SCFD1: variants seen among roughly 807,000 people sequenced by gnomAD.
SCFD1 encodes the protein sec1 family domain containing 1.
SCFD1 carries 37 observed loss-of-function variants against 103.2 expected under a neutral mutation model. That is an observed-to-expected ratio of 0.36 (90% CI 0.28 to 0.47). The LOEUF (loss-of-function observed/expected upper bound fraction) is 0.47. Ranked by LOEUF, SCFD1 falls within the 20% of genes least tolerant of loss-of-function variation. The pLI, the probability that SCFD1 is intolerant of heterozygous loss-of-function variation, is 1.00. For synonymous variants in SCFD1, 264 were observed against 245.0 expected (o/e 1.08, Z -0.73); for missense variants, 639 against 761.2 (o/e 0.84, Z 1.89).
chr14:30,659,767 AT>A (rs5807592), intron 10 of SCFD1, among the ~76,000 whole-genome samples: 28,279 of 151,574 alleles, frequency 0.19, 3,084 homozygotes, highest in East Asian at 0.46. Flanking sequence ...AATAATAAAG[AT>A]TTTTTTTTCT....
chr14:30,703,220 T>A (rs927729307), intron 17 of SCFD1, among the ~76,000 whole-genome samples: 1 of 151,192 alleles, frequency 6.6e-6, no homozygotes, highest in Non-Finnish European at 1.5e-5. Context: ...TTAAACCATG[T>A]TAAATGACAT....
intron 11 of SCFD1, among the ~76,000 whole-genome samples, chr14:30,671,900 A>G (rs1888575819): frequency 6.6e-6 from 1 of 152,196 alleles, no homozygotes; most frequent in South Asian, 2.1e-4. Context: ...TTAACATTGA[A>G]TAGTTAAGTT....
Position 30,649,529 on chromosome 14 carries a change from T to C in SCFD1, c.615T>C (p.Gly205=). The C allele has an allele frequency of 6.3e-7, 1 of 1,578,062 alleles. No homozygotes were observed. The highest frequency in any genetic ancestry group is 1.2e-5 in the South Asian group (1 of 85,384). ...TTCTAACATTTATTGTTAAAATAGG[T>C]GCTGTTCCTATAATCAGATGTTCAA... The part of the protein sequence containing the change: ...DSLFCFFVTL[G]AVPIIRCSRG... Residue 205 remains glycine (G), a splice_region_variant and synonymous_variant, in exon 8 of 25, where the codon GGT becomes GGC. Transcript: ENST00000458591.
intron 1 of SCFD1, 179 bp downstream of exon 1, chr14:30,622,578 C>T (rs1882957332): frequency 2.7e-6 from 3 of 1,104,058 alleles, no homozygotes; most frequent in African/African-American, 3.2e-5. Flanking sequence ...GACTCGGTTC[C>T]TCCTGTGGTG....
chr14:30,667,608 G>A (rs1436474488), intron 10 of SCFD1, among the ~76,000 whole-genome samples: 1 of 152,194 alleles, frequency 6.6e-6, no homozygotes, highest in Non-Finnish European at 1.5e-5. Flanking sequence ...AAAAGAGGAA[G>A]TCAAATTGTC....
chr14:30,638,380 TA>T, intron 5 of SCFD1, 133 bp downstream of exon 5: 5 of 1,253,826 alleles, frequency 4.0e-6, no homozygotes, highest in Non-Finnish European at 5.4e-6. Context: ...AATACTTTTA[TA>T]AAGAGTTCTG....
chr14:30,677,258 GC>G (rs1889104091), intron 14 of SCFD1, among the ~76,000 whole-genome samples: 1 of 151,994 alleles, frequency 6.6e-6, no homozygotes, highest in African/African-American at 2.4e-5. Flanking sequence ...AACCTCCTGG[GC>G]TCAAGGATCC....
intron 19 of SCFD1, among the ~76,000 whole-genome samples, chr14:30,714,689 G>A (rs1892151087): frequency 6.6e-6 from 1 of 152,168 alleles, no homozygotes; most frequent in South Asian, 2.1e-4. Flanking sequence ...TTATATAATA[G>A]TAATGTGTTA....
At chr14:30,647,847 C>T (rs1885992995) in intron 7 of SCFD1, among the ~76,000 whole-genome samples, 1 of 152,108 alleles carries the variant, frequency 6.6e-6, no homozygotes, top group Non-Finnish European at 1.5e-5. Flanking sequence ...GACGGGGTTT[C>T]ACCATGTTGG....
chr14:30,641,765 C>T (rs995671558), intron 6 of SCFD1, among the ~76,000 whole-genome samples: 4 of 151,882 alleles, frequency 2.6e-5, no homozygotes, highest in Non-Finnish European at 5.9e-5. Context: ...GGGTGGGCCA[C>T]GCTTTCTGTA....
intron 15 of SCFD1, 50 bp from the exon 16 acceptor site, chr14:30,700,138 T>C (rs1224019973): frequency 7.5e-7 from 1 of 1,339,540 alleles, no homozygotes. Flanking sequence ...CTATAATACA[T>C]AATAACCACA....
At position 30,697,702 on chromosome 14, in the gene SCFD1, C is replaced by T. The variant is rs148176585; in HGVS notation, c.1340-2486C>T. Among the ~76,000 whole-genome samples, 6 of 152,164 alleles carry T rather than the reference C, an allele frequency of 3.9e-5. No homozygotes were observed. The East Asian group carries it at 7.7e-4, about 20-fold the overall frequency. ...CATCACTGTTGTGATATTCTTGCCT[C>T]GGTATAACCTAAATCTAATCATGAG... On this transcript the variant is annotated intron_variant, in intron 15 of 24. Coordinates refer to ENST00000458591, the MANE Select transcript of SCFD1 (RefSeq NM_016106.4).
At chr14:30,706,222 T>C (rs1891458179) in intron 18 of SCFD1, among the ~76,000 whole-genome samples, 1 of 152,196 alleles carries the variant, frequency 6.6e-6, no homozygotes, top group Non-Finnish European at 1.5e-5. Context: ...AGTTAATGTC[T>C]TTTACATGGT....
rs540272791 is a variant in SCFD1 at position 30,728,639 on chromosome 14, T to A, written c.1836+6080T>A. 8.5e-5 allele frequency among the ~76,000 whole-genome samples: 13 copies of A among 152,310 alleles called. No homozygotes were observed. The East Asian group carries it at 2.5e-3, about 29-fold the overall frequency. On this transcript the variant is annotated intron_variant, in intron 23 of 24. Transcript: ENST00000458591. ...TAGTAACTGTAATCATTTGAAGAAC[T>A]ACAGACTGTTTTCCAAAGCAGCTGC...
At chr14:30,691,731 C>T (rs1361542589) in intron 14 of SCFD1, among the ~76,000 whole-genome samples, 3 of 152,048 alleles carry the variant, frequency 2.0e-5, no homozygotes, top group African/African-American at 7.2e-5. Context: ...AAAAAGAAAC[C>T]CCCTACCTAG....
chr14:30,670,048 T>G, intron 10 of SCFD1: 1 of 433,136 alleles, frequency 2.3e-6, no homozygotes, highest in Non-Finnish European at 4.0e-6. Context: ...TGTTTTTCTC[T>G]TTTTCTTGTT....
upstream of SCFD1, chr14:30,622,302 C>T (rs1459276114): frequency 6.3e-7 from 1 of 1,593,698 alleles, no homozygotes; most frequent in South Asian, 1.1e-5. Flanking sequence ...TCCCCCCGCT[C>T]CGCTCCCCAG....
intron 13 of SCFD1, among the ~76,000 whole-genome samples, chr14:30,674,368 C>G: frequency 6.6e-6 from 1 of 151,978 alleles, no homozygotes; most frequent in African/African-American, 2.4e-5. Context: ...GGAGGCTGGG[C>G]GCGGTAGCTC....
chr14:30,700,104 T>A, intron 15 of SCFD1, 84 bp from the exon 16 acceptor site: 1 of 945,372 alleles, frequency 1.1e-6, no homozygotes, highest in East Asian at 2.4e-5. Flanking sequence ...ATATATGCCT[T>A]GAAATGTAAC....
Sources: allele counts gnomAD v4.1 joint callset (sites outside exome capture counted in the v4.1 genomes callset), GRCh38; gene constraint gnomAD v4.1.1; transcripts MANE v1.5; gene names NCBI Gene and HGNC (gene_info 2026-07-23, HGNC 2026-07-21).